Variants in PRKX observed in about 807,000 individuals in gnomAD.
The protein encoded by PRKX is cAMP-dependent protein kinase catalytic subunit PRKX.
Under a neutral mutation model 22.0 loss-of-function variants are expected in PRKX, and 12 were observed. The ratio of observed to expected loss-of-function variants is 0.54; its 90% CI spans 0.35 to 0.88. The LOEUF is 0.88. PRKX is among the 40% of genes least tolerant of loss of function. The pLI, the probability that PRKX is intolerant of heterozygous loss-of-function variation, is 0.01. For missense variants in PRKX, 217 were observed against 308.0 expected, an observed-to-expected ratio of 0.70 and a Z score of 2.21; for synonymous variants, 134 against 137.7, an observed-to-expected ratio of 0.97 and a Z score of 0.19.
intron 1 of PRKX, among the ~76,000 whole-genome samples, chrX:3,696,586 G>A (rs12388834): frequency 1.4e-4 from 16 of 110,871 alleles, no homozygotes; most frequent in South Asian, 3.7e-4. Flanking sequence ...TACTCGAAGC[G>A]CGGGTTCCAC....
chrX:3,710,333 ACT>A (rs1467043093), intron 1 of PRKX, among the ~76,000 whole-genome samples: 19 of 111,660 alleles, frequency 1.7e-4, no homozygotes, highest in African/African-American at 6.2e-4. Flanking sequence ...TGCAAACTGC[ACT>A]CTTTCTTCCT....
At chrX:3,683,992 C>T (rs1443930912) in intron 1 of PRKX, among the ~76,000 whole-genome samples, 1 of 112,177 alleles carries the variant, frequency 8.9e-6, no homozygotes, top group African/African-American at 3.2e-5. Flanking sequence ...GTGGCTCACA[C>T]CTGTAATCCC....
intron 2 of PRKX, among the ~76,000 whole-genome samples, chrX:3,665,699 C>T (rs1210864226): frequency 3.6e-5 from 4 of 110,661 alleles, no homozygotes; most frequent in African/African-American, 1.3e-4. Flanking sequence ...TTCCTTTCTA[C>T]AGGACGGGGG....
At chrX:3,614,834 T>G (rs7066483) in intron 7 of PRKX, among the ~76,000 whole-genome samples, 46,675 of 108,380 alleles carry the variant, frequency 0.43, 7,903 homozygotes, top group African/African-American at 0.56. Flanking sequence ...TACCCTCAGT[T>G]GATCATTACA....
chrX:3,712,594 C>T (rs1178249550), intron 1 of PRKX, among the ~76,000 whole-genome samples: 1 of 112,567 alleles, frequency 8.9e-6, no homozygotes, highest in East Asian at 2.8e-4. Flanking sequence ...ACCTGTCCCC[C>T]ACAGCCCAGC....
At chrX:3,676,856 A>G (rs1927966926) in intron 1 of PRKX, among the ~76,000 whole-genome samples, 1 of 111,500 alleles carries the variant, frequency 9.0e-6, no homozygotes. Context: ...TGTTTTAATA[A>G]ATGGGAGTTT....
chrX:3,639,868 A>G (rs1406877935), intron 4 of PRKX, among the ~76,000 whole-genome samples: 1 of 110,871 alleles, frequency 9.0e-6, no homozygotes, highest in African/African-American at 3.3e-5. Context: ...CTGCTCCCCA[A>G]ACAAAGTCAG....
intron 2 of PRKX, among the ~76,000 whole-genome samples, chrX:3,658,650 G>A (rs968315795): frequency 2.7e-5 from 3 of 110,734 alleles, no homozygotes; most frequent in South Asian, 3.9e-4. Context: ...ATGAGCACAT[G>A]AGCCTTCACC....
chrX:3,645,296 CGAA>C (rs1927165255), intron 3 of PRKX, among the ~76,000 whole-genome samples: 1 of 110,508 alleles, frequency 9.0e-6, no homozygotes, highest in African/African-American at 3.3e-5. Flanking sequence ...GCCATGTTAA[CGAA>C]GGAGAAACAG....
intron 2 of PRKX, among the ~76,000 whole-genome samples, chrX:3,669,669 C>G (rs1457506300): frequency 8.9e-6 from 1 of 112,154 alleles, no homozygotes; most frequent in African/African-American, 3.2e-5. Context: ...CACCTACCCA[C>G]CTCAATATCA....
intron 1 of PRKX, among the ~76,000 whole-genome samples, chrX:3,680,258 C>T (rs1195441573): frequency 1.8e-5 from 2 of 110,791 alleles, no homozygotes; most frequent in Non-Finnish European, 3.8e-5. Context: ...ATTCTCCTGC[C>T]TCAGCCTCCA....
At chrX:3,617,041 T>A (rs1270736016) in intron 6 of PRKX, among the ~76,000 whole-genome samples, 1 of 110,955 alleles carries the variant, frequency 9.0e-6, no homozygotes, top group East Asian at 2.8e-4. Context: ...CTTATACACA[T>A]ACACACATTA....
chrX:3,689,487 G>A (rs892060236), intron 1 of PRKX, among the ~76,000 whole-genome samples: 1 of 111,893 alleles, frequency 8.9e-6, no homozygotes, highest in Non-Finnish European at 1.9e-5. Context: ...AGACCAGCCT[G>A]GGTAACATAA....
At chrX:3,677,211 G>T (rs1959386854) in intron 1 of PRKX, among the ~76,000 whole-genome samples, 1 of 110,760 alleles carries the variant, frequency 9.0e-6, no homozygotes, top group Non-Finnish European at 1.9e-5. Context: ...AGTTCATATA[G>T]TTAACAATAC....
At chrX:3,689,155 T>C (rs1294348832) in intron 1 of PRKX, among the ~76,000 whole-genome samples, 2 of 112,662 alleles carry the variant, frequency 1.8e-5, no homozygotes, top group African/African-American at 6.4e-5. Flanking sequence ...TGTTTCAAAA[T>C]AATGATATCA....
intron 2 of PRKX, among the ~76,000 whole-genome samples, chrX:3,663,687 C>T (rs1927661386): frequency 9.6e-6 from 1 of 104,061 alleles, no homozygotes; most frequent in Non-Finnish European, 2.0e-5. Flanking sequence ...ACAGTGAATG[C>T]AGAGTCAAAG....
chrX:3,711,363 G>T (rs1033133514), intron 1 of PRKX, among the ~76,000 whole-genome samples: 1 of 111,135 alleles, frequency 9.0e-6, no homozygotes, highest in Non-Finnish European at 1.9e-5. Flanking sequence ...CAGAGGCAGC[G>T]ACACTCTATT....
intron 5 of PRKX, among the ~76,000 whole-genome samples, chrX:3,625,657 C>T (rs1361103862): frequency 1.2e-4 from 13 of 110,993 alleles, no homozygotes; most frequent in Admixed American, 2.9e-4. Flanking sequence ...CTGCAACCTC[C>T]GCCTCCTGGG....
At chrX:3,691,829 G>A (rs955054426) in intron 1 of PRKX, among the ~76,000 whole-genome samples, 2 of 97,478 alleles carry the variant, frequency 2.1e-5, no homozygotes, top group Non-Finnish European at 4.1e-5. Context: ...ATGATAGACA[G>A]ATAGATGGAT....
Sources: gnomAD v4.1 joint callset for allele counts (sites outside exome capture counted in the v4.1 genomes callset) on GRCh38, gnomAD v4.1.1 for gene constraint, MANE v1.5 for transcripts, NCBI Gene and HGNC (gene_info 2026-07-23, HGNC 2026-07-21) for gene names.